The following MCM3AP variants were observed in gnomAD, a reference collection of about 807,000 sequenced individuals.
MCM3AP encodes the protein germinal-center associated nuclear protein.
A neutral mutation model predicts 184.1 loss-of-function variants in MCM3AP; 126 were observed. The observed-to-expected ratio is 0.68, with a 90% confidence interval of 0.59 to 0.79. The LOEUF (loss-of-function observed/expected upper bound fraction) is 0.79. MCM3AP is among the 30% of genes least tolerant of loss of function. MCM3AP has a pLI of 0.00. For missense variants in MCM3AP, 2,496 were observed against 2,479.2 expected (o/e 1.01, Z -0.14); for synonymous variants, 1,002 against 979.3 (o/e 1.02, Z -0.43).
chr21:46,283,004 C>T (rs1052627134), intron 2 of MCM3AP, among the ~76,000 whole-genome samples: 1 of 151,554 alleles, frequency 6.6e-6, no homozygotes, highest in Admixed American at 6.6e-5. Context: ...CGGCTCACTG[C>T]AACCGCCGCC....
intron 19 of MCM3AP, chr21:46,252,766 T>C (rs933108156): frequency 6.6e-6 from 1 of 152,186 alleles, no homozygotes; most frequent in Admixed American, 6.5e-5. Context: ...ACCCTGTGAA[T>C]ATATCTAAAA....
intron 17 of MCM3AP, 55 bp from the exon 18 acceptor site, chr21:46,254,899 G>A (rs946187243): frequency 7.7e-7 from 1 of 1,298,704 alleles, no homozygotes. Flanking sequence ...GAGAAGTACT[G>A]GCTAGTGTCC....
chr21:46,242,267 T>C (rs1478737647), intron 25 of MCM3AP: 1 of 152,544 alleles, frequency 6.6e-6, no homozygotes, highest in Non-Finnish European at 1.5e-5. Context: ...CCAAGAAGCA[T>C]GTTTTTTTTC....
chr21:46,283,629 G>A lies in MCM3AP; in HGVS notation c.1429C>T (p.His477Tyr). 6.2e-7 allele frequency: 1 copy of A among 1,612,742 alleles called. No individual in the cohort carries two copies. The highest frequency in any genetic ancestry group is 8.5e-7 in the Non-Finnish European group (1 of 1,178,890). ...GGAGTACTCACATGATCAAAGAAAT[G>A]TACCACTGCAAGCTTTTTGCTGCGC... is the stretch of plus-strand genomic sequence containing the variant. ...TRRSKKLAVV[H>Y]FFDHASAALA... Residue 477 changes from histidine (H) to tyrosine (Y), a missense_variant, in exon 2 of 28, where the codon CAT becomes TAT. Around this residue, in one of 5 missense-constraint regions of MCM3AP, gnomAD observed 800 missense variants for 717.1 expected, o/e 1.12. Coordinates refer to ENST00000291688, the MANE Select transcript of MCM3AP (RefSeq NM_003906.5).
chr21:46,248,616 G>GGAAAAAAA (rs1222513880), intron 20 of MCM3AP, among the ~76,000 whole-genome samples: 1 of 128,040 alleles, frequency 7.8e-6, no homozygotes. Context: ...TAACAGAGAG[G>GGAAAAAAA]AAAAAAAAAA....
At chr21:46,237,441 G>GTAATCGGACACATTCA (rs1555907671) in intron 26 of MCM3AP, among the ~76,000 whole-genome samples, 5 of 54,354 alleles carry the variant, frequency 9.2e-5, no homozygotes, top group East Asian at 4.0e-4. Flanking sequence ...GTCTCGCTCT[G>GTAATCGGACACATTCA]TTGGCCAGGC....
intron 25 of MCM3AP, chr21:46,242,087 G>C (rs1356200836): frequency 6.6e-6 from 1 of 152,090 alleles, no homozygotes; most frequent in East Asian, 1.9e-4. Flanking sequence ...CTATGGACTT[G>C]ACTTTTCTTG....
chr21:46,274,798 G>A (rs8131458), intron 6 of MCM3AP, among the ~76,000 whole-genome samples: 55,752 of 151,596 alleles, frequency 0.37, 10,476 homozygotes, highest in Admixed American at 0.45. Flanking sequence ...AACTAGGCGT[G>A]GTGGAGCATG....
chr21:46,258,815 G>T, intron 16 of MCM3AP, 124 bp downstream of exon 16: 4 of 978,314 alleles, frequency 4.1e-6, no homozygotes, highest in Non-Finnish European at 4.8e-6. Context: ...GGTATTCATT[G>T]CTATAACATT....
Position 46,266,757 on chromosome 21 carries a change from G to A in MCM3AP, c.2789+225C>T. On this transcript the variant is annotated intron_variant, in intron 10 of 27. Coordinates refer to ENST00000291688, the MANE Select transcript of MCM3AP (RefSeq NM_003906.5). The stretch of plus-strand genomic sequence containing the variant: ...TTGTCAGCAAGTCATGAAAAGGACT[G>A]ATTTTGGAGTCACAAAGAACTTGGT... The A allele has an allele frequency of 5.5e-6, 3 of 547,016 alleles. No homozygotes were observed. In the South Asian group the frequency reaches 7.5e-5, roughly 14 times the overall value. The allele number at this position is 547,016 out of a possible 1,614,324, so 33.9% of individuals were successfully genotyped here. A position where few individuals can be genotyped will look rare whatever the true frequency, so the allele number is the denominator to read the frequency against.
intron 19 of MCM3AP, chr21:46,253,192 A>C (rs954384698): frequency 6.6e-6 from 1 of 152,226 alleles, no homozygotes; most frequent in Admixed American, 6.5e-5. Flanking sequence ...TCTGTATGCT[A>C]TGTGGTTACA....
Position 46,283,818 on chromosome 21 carries a change from C to G in MCM3AP, c.1240G>C (p.Ala414Pro). The G allele has an allele frequency of 1.2e-6, 2 of 1,613,048 alleles. No individual in the cohort carries two copies. Among genetic ancestry groups the G allele is most frequent in the Non-Finnish European group, 1.7e-6 (2 of 1,179,590 alleles). ...KKEDSLRGTPARQSNRSESTD... is the reference protein window; with the variant it reads ...KKEDSLRGTPPRQSNRSESTD... ...CTCTCGCTTCTGTTACTCTGACGCG[C>G]CGGAGTTCCTCTTAGAGAATCTAGG... Residue 414 changes from alanine to proline, a missense_variant, in exon 2 of 28, where the codon GCG becomes CCG. Around this residue, in one of 5 missense-constraint regions of MCM3AP, gnomAD observed 800 missense variants for 717.1 expected, o/e 1.12. Transcript: ENST00000291688.
rs1406466129 is a variant in MCM3AP, at chr21:46,272,840, G to A, written c.2197-11C>T. 1.3e-6 allele frequency: 2 copies of A among 1,562,082 alleles called. No individual in the cohort carries two copies. Among genetic ancestry groups the A allele is most frequent in the Middle Eastern group, 1.8e-4 (1 of 5,502 alleles). On this transcript the variant is annotated splice_polypyrimidine_tract_variant and intron_variant, in intron 7 of 27. Transcript: ENST00000291688. ...CTGCTGCGTGATATCCTGGCCACAG[G>A]CGAGGGGGAGGATCACACACACATT...
chr21:46,239,253 C>T (rs1450973957), intron 26 of MCM3AP, among the ~76,000 whole-genome samples: 1 of 152,204 alleles, frequency 6.6e-6, no homozygotes, highest in Non-Finnish European at 1.5e-5. Flanking sequence ...AGAGGGAAAC[C>T]ACTGAGAGGC....
chr21:46,271,019 T>C (rs1329124880), intron 8 of MCM3AP, among the ~76,000 whole-genome samples: 1 of 152,250 alleles, frequency 6.6e-6, no homozygotes, highest in South Asian at 2.1e-4. Flanking sequence ...GACTGTCAGC[T>C]GTGCTGGATG....
rs17176352 is a variant in MCM3AP at position 46,272,374 on chromosome 21, C to T, written c.2465+187G>A. ...ATGTGCTGGTCCCAGGGCACACCCC[C>T]ATCGCTCTTCCCCCAGCTCAGCTCA... On this transcript the variant is annotated intron_variant, in intron 8 of 27. Transcript: ENST00000291688. Among the ~76,000 whole-genome samples the T allele has an allele frequency of 0.056, 8,531 of 152,248 alleles. 312 individuals are homozygous for T. The highest frequency in any genetic ancestry group is 0.11 in the Middle Eastern group (31 of 294).
At position 46,283,942 on chromosome 21, in the gene MCM3AP, C is replaced by T. The variant is rs1280310940; in HGVS notation, c.1220-104G>A. ...AAATTTTCAGATGTAAGACCTGCTCCGATGACATGTTAGAATCCCTAATGT... is the reference window on the plus strand; with the variant it reads ...AAATTTTCAGATGTAAGACCTGCTCTGATGACATGTTAGAATCCCTAATGT... On this transcript the variant is annotated intron_variant, in intron 1 of 27. Transcript: ENST00000291688. 1.3e-5 allele frequency: 20 copies of T among 1,542,134 alleles called. No homozygotes were observed. In the South Asian group the frequency reaches 2.3e-4, roughly 17 times the overall value.
rs376104212 is a variant in MCM3AP at position 46,285,288 on chromosome 21, T to C, written c.-2A>G. 11 of 1,597,990 alleles carry C rather than the reference T, an allele frequency of 6.9e-6. No homozygotes were observed. Among genetic ancestry groups the C allele is most frequent in the Non-Finnish European group, 9.4e-6 (11 of 1,167,012 alleles). On this transcript the variant is annotated 5_prime_UTR_variant, in exon 1 of 28. Transcript: ENST00000291688. ...ACTGAAAGGATTAGTTGGGTTCATC[T>C]TCTGCTCCAATTATTAGAAGGTAAT...
chr21:46,251,883 T>C, intron 19 of MCM3AP: 1 of 168,958 alleles, frequency 5.9e-6, no homozygotes, highest in Non-Finnish European at 1.2e-5. Flanking sequence ...TACTCGTTCT[T>C]TTTTTTTTTT....
Sources: gnomAD v4.1 joint callset for allele counts (sites outside exome capture counted in the v4.1 genomes callset) on GRCh38, gnomAD v4.1.1 for gene constraint, gnomAD v4.1.1 regional missense constraint, MANE v1.5 for transcripts, NCBI Gene and HGNC (gene_info 2026-07-23, HGNC 2026-07-21) for gene names.